Variants in FBXL14 observed in about 807,000 individuals in gnomAD.
FBXL14 encodes the protein F-box/LRR-repeat protein 14.
FBXL14 carries 11 observed loss-of-function variants against 24.5 expected under a neutral mutation model. The observed-to-expected ratio is 0.45, with a 90% CI of 0.28 to 0.74. The LOEUF is 0.74. FBXL14 is among the 30% of genes least tolerant of loss of function. FBXL14 has a pLI of 0.12. For synonymous variants in FBXL14, 294 were observed against 240.4 expected (o/e 1.22, Z -2.06); for missense variants, 384 against 545.6 (o/e 0.70, Z 2.95).
At chr12:1,575,017 C>T (rs1195602304) in intron 1 of FBXL14, among the ~76,000 whole-genome samples, 1 of 152,094 alleles carries the variant, frequency 6.6e-6, no homozygotes, top group Non-Finnish European at 1.5e-5. Context: ...GATCTAAACA[C>T]ATCATCTAAG....
chr12:1,585,725 C>T (rs1234867710), intron 1 of FBXL14, among the ~76,000 whole-genome samples: 1 of 152,130 alleles, frequency 6.6e-6, no homozygotes, highest in East Asian at 1.9e-4. Flanking sequence ...TAAGAAGGTG[C>T]CTAGTATTAA....
At chr12:1,576,787 G>A (rs1314082196) in intron 1 of FBXL14, among the ~76,000 whole-genome samples, 6 of 152,100 alleles carry the variant, frequency 3.9e-5, no homozygotes, top group Admixed American at 2.6e-4. Context: ...CCTTGGCGGG[G>A]GACTCGGCCT....
chr12:1,576,997 GGCTCTTA>G (rs1408508505), intron 1 of FBXL14, among the ~76,000 whole-genome samples: 1 of 152,158 alleles, frequency 6.6e-6, no homozygotes, highest in Non-Finnish European at 1.5e-5. Context: ...CATTTTTATG[GGCTCTTA>G]AAGTCGTCTT....
At chr12:1,588,462 G>A (rs747044636) in intron 1 of FBXL14, among the ~76,000 whole-genome samples, 1 of 152,112 alleles carries the variant, frequency 6.6e-6, no homozygotes, top group Non-Finnish European at 1.5e-5. Context: ...GAACATGATC[G>A]GTTCGAGTTT....
Position 1,593,901 on chromosome 12 carries a change from G to T in FBXL14, c.166C>A (p.Arg56=). Residue 56 remains arginine (R), a synonymous_variant, in exon 1 of 2, where the codon CGG becomes AGG. Coordinates refer to ENST00000339235, the MANE Select transcript of FBXL14 (RefSeq NM_152441.3). The surrounding 1 kb of genome is among the most constrained non-coding windows in gnomAD (Gnocchi z 7.4). The part of the protein sequence containing the change: ...RGVEAKLHLR[R]ANPSLFPSLQ... ...CTGGGGAACAGCGACGGGTTGGCCC[G>T]GCGCAGGTGCAGCTTGGCCTCCACC... 2 of 1,601,664 alleles carry T rather than the reference G, an allele frequency of 1.2e-6. No homozygotes were observed. Among genetic ancestry groups the T allele is most frequent in the South Asian group, 2.2e-5 (2 of 90,584 alleles).
intron 1 of FBXL14, among the ~76,000 whole-genome samples, chr12:1,586,182 G>GTTT (rs79133793): frequency 2.2e-5 from 3 of 137,776 alleles, no homozygotes; most frequent in Admixed American, 7.3e-5. Context: ...AGCATTTGGG[G>GTTT]TTTTTTTTTT....
At chr12:1,571,199 T>A (rs1459402139) in intron 1 of FBXL14, among the ~76,000 whole-genome samples, 1 of 136,918 alleles carries the variant, frequency 7.3e-6, no homozygotes, top group Non-Finnish European at 1.7e-5. Flanking sequence ...GGTGGGGTTT[T>A]TTTTGTTTGT....
In FBXL14 at chr12:1,594,114, C is replaced by T. The variant is rs1296998704; in HGVS notation, c.-48G>A. On this transcript the variant is annotated 5_prime_UTR_variant, in exon 1 of 2. Transcript: ENST00000339235. ...CGCTGGGGGGAGGAGGCGCGGGCCC[C>T]GCCGCTCCGGCCTCGGGCAGGCGAC... The T allele has an allele frequency of 1.5e-6, 2 of 1,316,096 alleles. No homozygotes were observed. Among genetic ancestry groups the T allele is most frequent in the African/African-American group, 3.1e-5 (2 of 64,718 alleles). 81.5% of individuals were successfully genotyped at this position (1,316,096 alleles called of 1,614,324 possible).
At chr12:1,588,870 A>G (rs2094482337) in intron 1 of FBXL14, among the ~76,000 whole-genome samples, 1 of 151,928 alleles carries the variant, frequency 6.6e-6, no homozygotes, top group African/African-American at 2.4e-5. Flanking sequence ...TAGCTCTTCT[A>G]TTCTTCAATG....
chr12:1,568,231 C>A (rs1347541935), intron 1 of FBXL14, among the ~76,000 whole-genome samples: 1 of 152,170 alleles, frequency 6.6e-6, no homozygotes, highest in Non-Finnish European at 1.5e-5. Context: ...CCTCAGAAAC[C>A]AGGTGAGCAA....
At chr12:1,570,059 T>TC (rs760566728) in intron 1 of FBXL14, among the ~76,000 whole-genome samples, 12 of 152,210 alleles carry the variant, frequency 7.9e-5, no homozygotes, top group East Asian at 1.9e-4. Flanking sequence ...GAGGGGTTTT[T>TC]CCCCTCTGGT....
intron 1 of FBXL14, chr12:1,587,312 A>G (rs1277435197): frequency 6.6e-6 from 1 of 152,090 alleles, no homozygotes; most frequent in Non-Finnish European, 1.5e-5. Flanking sequence ...TCTTCTTTTT[A>G]AAGAAAATAT....
At chr12:1,578,360 G>A (rs2094459865) in intron 1 of FBXL14, among the ~76,000 whole-genome samples, 1 of 152,202 alleles carries the variant, frequency 6.6e-6, no homozygotes, top group Non-Finnish European at 1.5e-5. Context: ...ATGGATATTG[G>A]CTGGGCGTGG....
At chr12:1,585,991 G>A (rs1187627727) in intron 1 of FBXL14, among the ~76,000 whole-genome samples, 1 of 152,176 alleles carries the variant, frequency 6.6e-6, no homozygotes, top group African/African-American at 2.4e-5. Flanking sequence ...CAGTGTTTTG[G>A]AAACTGGCTC....
intron 1 of FBXL14, among the ~76,000 whole-genome samples, chr12:1,570,745 T>C (rs1356374467): frequency 6.6e-6 from 1 of 152,166 alleles, no homozygotes; most frequent in Non-Finnish European, 1.5e-5. Context: ...AGTCAGAACA[T>C]ACACTGAATA....
chr12:1,587,708 T>C (rs1277693593), intron 1 of FBXL14, among the ~76,000 whole-genome samples: 1 of 152,210 alleles, frequency 6.6e-6, no homozygotes, highest in Non-Finnish European at 1.5e-5. Context: ...AATATGCATG[T>C]CCCATCTGTT....
rs1292635996 is a variant in FBXL14 at position 1,566,112 on chromosome 12, C to T, written c.*636G>A. The T allele has an allele frequency of 6.6e-6, 1 of 152,588 alleles. No homozygotes were observed. The allele number at this position is 152,588 out of a possible 1,614,324, so 9.5% of individuals were successfully genotyped here. A position where few individuals can be genotyped will look rare whatever the true frequency, so the allele number is the denominator to read the frequency against. On this transcript the variant is annotated 3_prime_UTR_variant, in exon 2 of 2. Coordinates refer to ENST00000339235, the MANE Select transcript of FBXL14 (RefSeq NM_152441.3). ...TGGATTTCTTTCACATATGGGCACT[C>T]AGTAAACATTATTAATGAATGATAA... is the stretch of plus-strand genomic sequence containing the variant.
chr12:1,575,633 C>CA (rs1337431032), intron 1 of FBXL14, among the ~76,000 whole-genome samples: 1 of 152,212 alleles, frequency 6.6e-6, no homozygotes, highest in Admixed American at 6.5e-5. Context: ...GCTCCAAGCA[C>CA]ACTGGGATCC....
intron 1 of FBXL14, among the ~76,000 whole-genome samples, chr12:1,589,499 AGGGAAATG>A (rs1479673324): frequency 8.1e-6 from 1 of 123,862 alleles, no homozygotes; most frequent in Non-Finnish European, 1.7e-5. Flanking sequence ...GGAGGGAGGG[AGGGAAATG>A]GAGAAATGGA....
Sources: allele counts gnomAD v4.1 joint callset (sites outside exome capture counted in the v4.1 genomes callset), GRCh38; gene constraint gnomAD v4.1.1; non-coding constraint Gnocchi (gnomAD v3.1); transcripts MANE v1.5; gene names NCBI Gene and HGNC (gene_info 2026-07-23, HGNC 2026-07-21).